The following TANGO6 variants were observed in gnomAD, a reference collection of about 807,000 sequenced individuals.
TANGO6 encodes the protein transport and Golgi organization protein 6 homolog.
TANGO6 carries 90 observed loss-of-function variants against 114.2 expected under a neutral mutation model. That is an observed-to-expected ratio of 0.79 (90% CI 0.66 to 0.94). The LOEUF (loss-of-function observed/expected upper bound fraction) is 0.94. TANGO6 is among the 40% of genes least tolerant of loss of function. The pLI is 0.00. For missense variants in TANGO6, 1,274 were observed against 1,315.3 expected, an observed-to-expected ratio of 0.97 and a Z score of 0.49; for synonymous variants, 477 against 509.8, an observed-to-expected ratio of 0.94 and a Z score of 0.87.
At chr16:69,066,727 G>T (rs1299160185) in intron 17 of TANGO6, among the ~76,000 whole-genome samples, 1 of 151,750 alleles carries the variant, frequency 6.6e-6, no homozygotes, top group African/African-American at 2.4e-5. Flanking sequence ...TATCTTTTTT[G>T]ATCCCCACAA....
intron 17 of TANGO6, among the ~76,000 whole-genome samples, chr16:69,058,759 G>A (rs999514349): frequency 3.3e-5 from 5 of 151,524 alleles, no homozygotes; most frequent in Admixed American, 2.0e-4. Flanking sequence ...TCTGCTTCCC[G>A]TGTTCACACC....
intron 15 of TANGO6, among the ~76,000 whole-genome samples, chr16:69,012,852 G>A (rs377538966): frequency 1.3e-5 from 2 of 152,102 alleles, no homozygotes; most frequent in East Asian, 1.9e-4. Context: ...GGAGCCTTAC[G>A]GTTCAAATAA....
chr16:68,900,999 A>G (rs1036131550), intron 8 of TANGO6, among the ~76,000 whole-genome samples: 7 of 152,228 alleles, frequency 4.6e-5, no homozygotes, highest in Non-Finnish European at 1.0e-4. Context: ...TTTAGATAGA[A>G]GGGATTTCTT....
intron 12 of TANGO6, 78 bp from the exon 13 acceptor site, chr16:68,927,490 A>G (rs1030050473): frequency 5.3e-6 from 8 of 1,496,920 alleles, no homozygotes; most frequent in Non-Finnish European, 6.3e-6. Context: ...TTTTCTCAGA[A>G]TATGTTTCCT....
intron 14 of TANGO6, among the ~76,000 whole-genome samples, chr16:68,934,668 T>C (rs1963282888): frequency 6.6e-6 from 1 of 152,198 alleles, no homozygotes; most frequent in African/African-American, 2.4e-5. Context: ...AAAGTGCTTA[T>C]AATTCAGAAG....
intron 17 of TANGO6, among the ~76,000 whole-genome samples, chr16:69,076,264 G>A (rs981592947): frequency 6.8e-6 from 1 of 147,136 alleles, no homozygotes; most frequent in African/African-American, 2.5e-5. Context: ...GCTAATTTTT[G>A]TATTTTTAGT....
chr16:69,064,190 A>G (rs1403558908), intron 17 of TANGO6, among the ~76,000 whole-genome samples: 1 of 152,130 alleles, frequency 6.6e-6, no homozygotes, highest in African/African-American at 2.4e-5. Flanking sequence ...AGTCTGGTCC[A>G]TGCCATGCGT....
chr16:68,881,084 TG>T (rs1288638195), intron 7 of TANGO6, among the ~76,000 whole-genome samples: 1 of 152,228 alleles, frequency 6.6e-6, no homozygotes, highest in African/African-American at 2.4e-5. Flanking sequence ...CCACTGCGCC[TG>T]GCAAGCTGAC....
intron 15 of TANGO6, among the ~76,000 whole-genome samples, chr16:68,999,691 A>T (rs188057139): frequency 3.9e-4 from 60 of 152,342 alleles, no homozygotes; most frequent in African/African-American, 1.3e-3. Context: ...TACTTTACTC[A>T]ATTGTTGAAA....
At chr16:69,012,591 AAAAG>A (rs998885201) in intron 15 of TANGO6, among the ~76,000 whole-genome samples, 14 of 151,088 alleles carry the variant, frequency 9.3e-5, no homozygotes, top group South Asian at 6.2e-4. Context: ...AAAAAAAAAA[AAAAG>A]AAAGAAATAC....
At chr16:68,848,536 A>T (rs1280876342) in intron 1 of TANGO6, among the ~76,000 whole-genome samples, 2 of 152,118 alleles carry the variant, frequency 1.3e-5, no homozygotes, top group African/African-American at 4.8e-5. Context: ...AAAACAATTG[A>T]AACTATAATT....
rs1290011939 is a variant in TANGO6 at position 68,862,936 on chromosome 16, T to C, written c.736-9T>C. On this transcript the variant is annotated splice_polypyrimidine_tract_variant and intron_variant, in intron 2 of 17. Coordinates refer to ENST00000261778, the MANE Select transcript of TANGO6 (RefSeq NM_024562.2). Reference sequence around the variant, plus strand: ...AATTCCACTAAAGCCAAGTGCATATTTCTTTTAGGTTCTAACTGAAGAGGA... The same window carrying C: ...AATTCCACTAAAGCCAAGTGCATATCTCTTTTAGGTTCTAACTGAAGAGGA... 1 of 1,567,054 alleles carries C rather than the reference T, an allele frequency of 6.4e-7. No individual in the cohort carries two copies. Among genetic ancestry groups the C allele is most frequent in the Non-Finnish European group, 8.7e-7 (1 of 1,152,460 alleles).
intron 17 of TANGO6, among the ~76,000 whole-genome samples, chr16:69,044,222 G>A (rs971011540): frequency 3.3e-5 from 5 of 152,174 alleles, no homozygotes; most frequent in South Asian, 2.1e-4. Flanking sequence ...GCACCATCAC[G>A]CTCAGCTAAT....
chr16:68,945,908 A>G (rs960029775), intron 14 of TANGO6, among the ~76,000 whole-genome samples: 3 of 151,460 alleles, frequency 2.0e-5, no homozygotes, highest in African/African-American at 7.3e-5. Context: ...CTGGTCTCGA[A>G]CTCCTGACCT....
At chr16:68,844,004 G>C (rs1348936645) in intron 1 of TANGO6, among the ~76,000 whole-genome samples, 4 of 152,146 alleles carry the variant, frequency 2.6e-5, no homozygotes, top group Admixed American at 2.6e-4. Flanking sequence ...AGTGCTTACT[G>C]CAGCGCTCTT....
rs111812792 is a variant in TANGO6 at position 69,080,919 on chromosome 16, A to G, written c.3109-2566A>G. ...TTTGGGAGGCCGAGGCGGGCAGATC[A>G]TGAGGTCAGGAGATCGAGACCATCC... On this transcript the variant is annotated intron_variant, in intron 17 of 17. Coordinates refer to ENST00000261778, the MANE Select transcript of TANGO6 (RefSeq NM_024562.2). Among the ~76,000 whole-genome samples, 577 of 152,284 alleles carry G rather than the reference A, an allele frequency of 3.8e-3. 4 individuals carry two copies. Among genetic ancestry groups the G allele is most frequent in the African/African-American group, 0.012 (491 of 41,568 alleles).
intron 4 of TANGO6, among the ~76,000 whole-genome samples, chr16:68,872,089 T>C (rs981825674): frequency 6.6e-6 from 1 of 151,480 alleles, no homozygotes; most frequent in Non-Finnish European, 1.5e-5. Flanking sequence ...AAATTAGTGG[T>C]GCGTGCCTGT....
intron 10 of TANGO6, among the ~76,000 whole-genome samples, chr16:68,907,943 CTG>C (rs1962875087): frequency 6.6e-6 from 1 of 152,144 alleles, no homozygotes; most frequent in Non-Finnish European, 1.5e-5. Context: ...TCCTTTCTGA[CTG>C]TTGTTTTGTC....
intron 17 of TANGO6, among the ~76,000 whole-genome samples, chr16:69,046,627 G>A (rs375127553): frequency 6.6e-6 from 1 of 152,062 alleles, no homozygotes; most frequent in African/African-American, 2.4e-5. Flanking sequence ...GCCAGAAAAG[G>A]ATTTTAAAGC....
Sources: allele counts gnomAD v4.1 joint callset (sites outside exome capture counted in the v4.1 genomes callset), GRCh38; gene constraint gnomAD v4.1.1; transcripts MANE v1.5; gene names NCBI Gene and HGNC (gene_info 2026-07-23, HGNC 2026-07-21).